Variants in PXDNL observed in about 807,000 individuals in gnomAD.
PXDNL encodes the protein peroxidasin like.
A neutral mutation model predicts 150.8 loss-of-function variants in PXDNL; 145 were observed. The ratio of observed to expected loss-of-function variants is 0.96; its 90% CI spans 0.84 to 1.10. The LOEUF (loss-of-function observed/expected upper bound fraction) is 1.10, where lower values mean the gene tolerates loss of function less well. Among genes scored for constraint, PXDNL ranks in the 50% least tolerant of loss-of-function variants. The probability of loss-of-function intolerance (pLI) is 0.00; values close to 1 mark genes in which losing one functional copy is unlikely to be tolerated. For synonymous variants in PXDNL, 757 were observed against 725.7 expected (o/e 1.04, Z -0.69); for missense variants, 2,087 against 1,873.9 (o/e 1.11, Z -2.10).
chr8:51,520,880 A>T (rs1228439739), intron 4 of PXDNL, among the ~76,000 whole-genome samples: 2 of 152,052 alleles, frequency 1.3e-5, no homozygotes, highest in Non-Finnish European at 2.9e-5. Flanking sequence ...CCAGAACCAG[A>T]CCCAACATGA....
chr8:51,637,374 A>C lies in PXDNL; in HGVS notation c.236+17315T>G, dbSNP rs530661971. ...GAGAATGACTTTGACGAGTTGAAAG[A>C]AGAAGGCTTCAGACGATCAAACTTA... is the stretch of plus-strand genomic sequence containing the variant. On this transcript the variant is annotated intron_variant, in intron 2 of 22. Transcript: ENST00000356297. 1.2e-4 allele frequency among the ~76,000 whole-genome samples: 18 copies of C among 152,330 alleles called. No homozygotes were observed. In the East Asian group the frequency reaches 2.7e-3, roughly 23 times the overall value.
At chr8:51,551,357 G>A (rs555191945) in intron 4 of PXDNL, among the ~76,000 whole-genome samples, 3 of 151,806 alleles carry the variant, frequency 2.0e-5, no homozygotes, top group Admixed American at 1.3e-4. Flanking sequence ...CCAAAAAAGA[G>A]CCCACAAAAG....
intron 17 of PXDNL, among the ~76,000 whole-genome samples, chr8:51,393,887 C>T (rs557965143): frequency 3.3e-5 from 5 of 152,318 alleles, no homozygotes; most frequent in East Asian, 1.9e-4. Flanking sequence ...GACCAATTTC[C>T]GACTCCTGAC....
chr8:51,697,425 A>G (rs922462688), intron 1 of PXDNL, among the ~76,000 whole-genome samples: 3 of 152,140 alleles, frequency 2.0e-5, no homozygotes, highest in Non-Finnish European at 2.9e-5. Context: ...TAATACAAGC[A>G]TATATAGTGT....
intron 17 of PXDNL, among the ~76,000 whole-genome samples, chr8:51,380,572 T>G (rs926427749): frequency 2.6e-5 from 4 of 152,230 alleles, no homozygotes; most frequent in Non-Finnish European, 5.9e-5. Flanking sequence ...CAATTTTTCT[T>G]TATATTCATT....
intron 1 of PXDNL, among the ~76,000 whole-genome samples, chr8:51,683,990 G>A (rs997346265): frequency 5.3e-5 from 8 of 152,072 alleles, no homozygotes; most frequent in African/African-American, 1.9e-4. Flanking sequence ...ATAAAATAAT[G>A]TATAAAAGAA....
intron 7 of PXDNL, among the ~76,000 whole-genome samples, chr8:51,474,316 AT>A (rs1435984621): frequency 6.6e-6 from 1 of 152,192 alleles, no homozygotes; most frequent in Non-Finnish European, 1.5e-5. Flanking sequence ...ATAGAGACAT[AT>A]TCTTATATTC....
intron 3 of PXDNL, among the ~76,000 whole-genome samples, chr8:51,576,345 A>G (rs1182138774): frequency 6.6e-6 from 1 of 151,946 alleles, no homozygotes; most frequent in Non-Finnish European, 1.5e-5. Flanking sequence ...TATTTCCTGA[A>G]CACACACAAA....
At chr8:51,541,602 C>G (rs970647781) in intron 4 of PXDNL, among the ~76,000 whole-genome samples, 4 of 152,156 alleles carry the variant, frequency 2.6e-5, no homozygotes, top group Non-Finnish European at 4.4e-5. Flanking sequence ...TTAGGGGAAG[C>G]CTCTGCAGGT....
intron 17 of PXDNL, among the ~76,000 whole-genome samples, chr8:51,401,682 G>C (rs1357638222): frequency 2.0e-5 from 3 of 152,170 alleles, no homozygotes; most frequent in Non-Finnish European, 4.4e-5. Flanking sequence ...CACTACATCA[G>C]TGAAGGAATA....
chr8:51,320,449 A>C (rs1805283032), intron 22 of PXDNL, among the ~76,000 whole-genome samples: 1 of 152,224 alleles, frequency 6.6e-6, no homozygotes, highest in African/African-American at 2.4e-5. Context: ...CAGCATTTAT[A>C]ATGAGCCTGA....
At chr8:51,616,778 A>AT (rs546481911) in intron 2 of PXDNL, among the ~76,000 whole-genome samples, 4 of 152,034 alleles carry the variant, frequency 2.6e-5, no homozygotes, top group South Asian at 2.1e-4. Context: ...ACTTTGTAGG[A>AT]TTTTTTTTCC....
At position 51,433,209 on chromosome 8, in the gene PXDNL, A is replaced by AAATAATAAT. The variant is rs71237206; in HGVS notation, c.1526-6460_1526-6452dup. Among the ~76,000 whole-genome samples the AAATAATAAT allele has an allele frequency of 8.6e-3, 1,243 of 144,140 alleles. 8 individuals are homozygous for AAATAATAAT. Among genetic ancestry groups the AAATAATAAT allele is most frequent in the South Asian group, 0.017 (77 of 4,474 alleles). The allele number at this position is 144,140 out of a possible 152,430, so 94.6% of individuals were successfully genotyped here. On this transcript the variant is annotated intron_variant, in intron 12 of 22. Transcript: ENST00000356297. Reference sequence around the variant, plus strand: ...GGGTGACAGAGTAAGACTCTATCTCAAATAATAATAATAATAATAATAATA... The same window carrying AAATAATAAT: ...GGGTGACAGAGTAAGACTCTATCTCAAATAATAATAATAATAATAATAATAATAATAATA...
Position 51,809,220 on chromosome 8 carries a change from A to G in PXDNL, c.125T>C (p.Leu42Pro). The change falls in exon 1 of 23, where the codon CTG (leucine) becomes CCG (proline). Residue 42 changes from leucine to proline, a missense_variant. Leu to Pro is a moderately conservative substitution (Grantham distance 98, BLOSUM62 -3). Coordinates refer to ENST00000356297, the MANE Select transcript of PXDNL (RefSeq NM_144651.5). ...KSTVRCMHLM[L>P]DHIPQVPQQT... is the part of the protein sequence containing the mutation. ...CTGTGGTACCTGAGGAATGTGGTCC[A>G]GCATCAAGTGCATGCAGCGGACGGT... 1.2e-6 allele frequency: 2 copies of G among 1,613,788 alleles called. No homozygotes were observed. The highest frequency in any genetic ancestry group is 1.6e-4 in the Middle Eastern group (1 of 6,062).
intron 3 of PXDNL, among the ~76,000 whole-genome samples, chr8:51,571,605 T>C (rs193083674): frequency 1.6e-3 from 244 of 151,910 alleles, no homozygotes; most frequent in African/African-American, 5.2e-3. Context: ...AGTTTTGAAC[T>C]AAAAAACACA....
intron 4 of PXDNL, among the ~76,000 whole-genome samples, chr8:51,547,455 C>T (rs1812386598): frequency 1.3e-5 from 2 of 152,198 alleles, no homozygotes. Context: ...TCCCCACAAC[C>T]TCCACCAGAG....
chr8:51,655,404 C>T (rs938042245), intron 1 of PXDNL, among the ~76,000 whole-genome samples: 1 of 152,078 alleles, frequency 6.6e-6, no homozygotes, highest in African/African-American at 2.4e-5. Context: ...AAGATAGGGT[C>T]CCTGCTACTG....
In PXDNL at chr8:51,475,218, T is replaced by G. The variant is rs141590969; in HGVS notation, c.525-77A>C. On this transcript the variant is annotated intron_variant, in intron 6 of 22. Transcript: ENST00000356297. ...TGATGAATCTTTTGAGTGGTAATAT[T>G]TAATTTCCCCTGATTTACCTTGTCT... 13 of 1,381,652 alleles carry G rather than the reference T, an allele frequency of 9.4e-6. No individual in the cohort carries two copies. In the East Asian group the frequency reaches 3.1e-4, roughly 33 times the overall value. The allele number at this position is 1,381,652 out of a possible 1,614,324, so 85.6% of individuals were successfully genotyped here.
At chr8:51,781,001 G>T (rs530769693) in intron 1 of PXDNL, among the ~76,000 whole-genome samples, 5 of 152,132 alleles carry the variant, frequency 3.3e-5, no homozygotes, top group African/African-American at 1.2e-4. Context: ...ATTCATGAGG[G>T]TTCCACCTTT....
Sources: allele counts gnomAD v4.1 joint callset (sites outside exome capture counted in the v4.1 genomes callset), GRCh38; gene constraint gnomAD v4.1.1; transcripts MANE v1.5; gene names NCBI Gene and HGNC (gene_info 2026-07-23, HGNC 2026-07-21).